The following TMEM74 variants were observed in gnomAD, a reference collection of about 807,000 sequenced individuals.
The protein encoded by TMEM74 is transmembrane protein 74.
Under a neutral mutation model 18.1 loss-of-function variants are expected in TMEM74, and 13 were observed. The ratio of observed to expected loss-of-function variants is 0.72; its 90% CI spans 0.47 to 1.14. The LOEUF is 1.14. Among genes scored for constraint, TMEM74 ranks in the 50% most tolerant of loss-of-function variants. The pLI is 0.00. For synonymous variants in TMEM74, 159 were observed against 146.6 expected, an observed-to-expected ratio of 1.08 and a Z score of -0.61; for missense variants, 372 against 375.9, an observed-to-expected ratio of 0.99 and a Z score of 0.09.
At chr8:108,740,666 A>G (rs922380294) in intron 1 of TMEM74, among the ~76,000 whole-genome samples, 7 of 152,100 alleles carry the variant, frequency 4.6e-5, no homozygotes, top group East Asian at 1.9e-4. Flanking sequence ...AAACTTTCCC[A>G]TTATTATTAC....
intron 1 of TMEM74, among the ~76,000 whole-genome samples, chr8:108,769,163 TAAA>T (rs66589307): frequency 7.5e-6 from 1 of 132,996 alleles, no homozygotes; most frequent in Non-Finnish European, 1.6e-5. Flanking sequence ...CTACTACTAC[TAAA>T]AAAAAAAAAA....
At chr8:108,649,115 A>C (rs1215234007) in intron 2 of TMEM74, among the ~76,000 whole-genome samples, 3 of 152,154 alleles carry the variant, frequency 2.0e-5, no homozygotes, top group Non-Finnish European at 4.4e-5. Flanking sequence ...AATAGTAATG[A>C]ACTAGACCCT....
chr8:108,719,455 C>A (rs1813564530), intron 1 of TMEM74, among the ~76,000 whole-genome samples: 1 of 152,098 alleles, frequency 6.6e-6, no homozygotes, highest in Admixed American at 6.5e-5. Flanking sequence ...GAGAGCACCA[C>A]CCTCACCGTT....
At chr8:108,723,253 A>T (rs1342454016) in intron 1 of TMEM74, among the ~76,000 whole-genome samples, 2 of 152,242 alleles carry the variant, frequency 1.3e-5, no homozygotes, top group Non-Finnish European at 2.9e-5. Flanking sequence ...TTATATATGC[A>T]TTTGTTAAAT....
At chr8:108,685,901 G>A (rs574642283) in intron 1 of TMEM74, among the ~76,000 whole-genome samples, 2 of 152,046 alleles carry the variant, frequency 1.3e-5, no homozygotes, top group African/African-American at 2.4e-5. Flanking sequence ...ATATATCCAC[G>A]AATAAGCAGA....
At chr8:108,645,130 A>G (rs933472287) in intron 2 of TMEM74, among the ~76,000 whole-genome samples, 12 of 152,148 alleles carry the variant, frequency 7.9e-5, no homozygotes, top group African/African-American at 2.4e-4. Flanking sequence ...TAGATTGGAT[A>G]AAAAAATGTG....
At position 108,784,554 on chromosome 8, in the gene TMEM74, A is replaced by G; in HGVS notation, c.545T>C (p.Ile182Thr). 2 of 1,614,082 alleles carry G rather than the reference A, an allele frequency of 1.2e-6. No individual in the cohort carries two copies. Among genetic ancestry groups the G allele is most frequent in the Non-Finnish European group, 1.7e-6 (2 of 1,180,034 alleles). ...KSIDYGFISA[I>T]LFLVTGILLV... ...CAGGATCCCAGTGACCAAGAACAAG[A>G]TGGCGCTGATGAAACCATAGTCTAT... Residue 182 changes from isoleucine to threonine, a missense_variant, in exon 2 of 2, where the codon ATC (isoleucine) becomes ACC (threonine). Coordinates refer to ENST00000297459, the MANE Select transcript of TMEM74 (RefSeq NM_153015.3).
chr8:108,744,974 G>A (rs980651153), intron 1 of TMEM74, among the ~76,000 whole-genome samples: 1 of 152,114 alleles, frequency 6.6e-6, no homozygotes, highest in Non-Finnish European at 1.5e-5. Flanking sequence ...TAAGAAATTT[G>A]GGGGACCTGA....
chr8:108,737,894 G>A (rs1399346870), intron 1 of TMEM74, among the ~76,000 whole-genome samples: 1 of 152,122 alleles, frequency 6.6e-6, no homozygotes, highest in Non-Finnish European at 1.5e-5. Flanking sequence ...TCAAAAAGTA[G>A]CACATAATCT....
At chr8:108,711,184 T>C (rs1437825182) in intron 1 of TMEM74, among the ~76,000 whole-genome samples, 1 of 152,202 alleles carries the variant, frequency 6.6e-6, no homozygotes, top group Non-Finnish European at 1.5e-5. Context: ...CATTTCTACA[T>C]ATAAGAAACT....
At chr8:108,777,388 C>A (rs1258662831), downstream of TMEM74, among the ~76,000 whole-genome samples, 1 of 152,150 alleles carries the variant, frequency 6.6e-6, no homozygotes, top group Admixed American at 6.6e-5. Context: ...ACTACATTTT[C>A]TTTTCAATTC....
At chr8:108,762,998 T>G (rs1045545123) in intron 1 of TMEM74, among the ~76,000 whole-genome samples, 2 of 152,164 alleles carry the variant, frequency 1.3e-5, no homozygotes, top group Non-Finnish European at 2.9e-5. Context: ...TCAATAAAAA[T>G]TATTAAATAA....
chr8:108,658,673 G>T (rs1017977670), intron 1 of TMEM74, among the ~76,000 whole-genome samples: 1 of 152,180 alleles, frequency 6.6e-6, no homozygotes, highest in African/African-American at 2.4e-5. Context: ...TTGCAGCCAA[G>T]CAAATGCCAA....
At chr8:108,683,787 T>C (rs1252367099) in intron 1 of TMEM74, among the ~76,000 whole-genome samples, 2 of 152,024 alleles carry the variant, frequency 1.3e-5, no homozygotes, top group Admixed American at 1.3e-4. Context: ...TGGTATCCTC[T>C]ATTCTACTCT....
At chr8:108,689,702 G>A (rs565139252) in intron 1 of TMEM74, among the ~76,000 whole-genome samples, 14 of 152,256 alleles carry the variant, frequency 9.2e-5, no homozygotes, top group African/African-American at 3.4e-4. Context: ...CCATTTGTGC[G>A]ACCAACACAT....
intron 2 of TMEM74, among the ~76,000 whole-genome samples, chr8:108,642,884 C>A (rs150752340): frequency 6.6e-6 from 1 of 152,124 alleles, no homozygotes; most frequent in Non-Finnish European, 1.5e-5. Flanking sequence ...TTCACGACTG[C>A]GCTCTGAATG....
chr8:108,641,798 T>G (rs3019397), intron 2 of TMEM74, among the ~76,000 whole-genome samples: 31,762 of 151,882 alleles, frequency 0.21, 3,335 homozygotes, highest in East Asian at 0.27. Flanking sequence ...AGCCTTCTCC[T>G]TCATCTTAAG....
chr8:108,783,620 A>G lies in TMEM74; in HGVS notation c.*561T>C, dbSNP rs1814336739. 6.6e-6 allele frequency: 1 copy of G among 152,146 alleles called. No individual in the cohort carries two copies. Among genetic ancestry groups the G allele is most frequent in the African/African-American group, 2.4e-5 (1 of 41,426 alleles). The allele number at this position is 152,146 out of a possible 1,614,324, so 9.4% of individuals were successfully genotyped here. On this transcript the variant is annotated 3_prime_UTR_variant, in exon 2 of 2. Transcript: ENST00000297459. ...AAACAGGAATAATTTCAAACATAACATTTTTTACAATAAGGAAAGCCCAAC... is the reference window on the plus strand; with the variant it reads ...AAACAGGAATAATTTCAAACATAACGTTTTTTACAATAAGGAAAGCCCAAC...
At chr8:108,742,652 T>C (rs1813813320) in intron 1 of TMEM74, among the ~76,000 whole-genome samples, 1 of 152,234 alleles carries the variant, frequency 6.6e-6, no homozygotes, top group Admixed American at 6.5e-5. Flanking sequence ...AACTGTTAAG[T>C]ATTTGCTAAG....
Sources: gnomAD v4.1 joint callset for allele counts (sites outside exome capture counted in the v4.1 genomes callset) on GRCh38, gnomAD v4.1.1 for gene constraint, MANE v1.5 for transcripts, NCBI Gene and HGNC (gene_info 2026-07-23, HGNC 2026-07-21) for gene names.